Variants in MPPED2 observed in about 807,000 individuals in gnomAD.
MPPED2 encodes the protein metallophosphoesterase MPPED2.
In MPPED2, 5 loss-of-function variants were observed where a neutral mutation model predicts 33.0. That is an observed-to-expected ratio of 0.15 (90% CI 0.08 to 0.32). MPPED2 has a LOEUF of 0.32. Ranked by LOEUF, MPPED2 falls within the 10% of genes least tolerant of loss-of-function variation. The pLI is 1.00. For synonymous variants in MPPED2, 136 were observed against 141.9 expected, an observed-to-expected ratio of 0.96 and a Z score of 0.29; for missense variants, 275 against 372.1, an observed-to-expected ratio of 0.74 and a Z score of 2.15.
At chr11:30,504,918 T>C in intron 3 of MPPED2, 1 of 695,970 alleles carries the variant, frequency 1.4e-6, no homozygotes, top group South Asian at 1.4e-5. Context: ...GGATGCGGAG[T>C]GAAAGCCCGG....
At chr11:30,505,495 C>G (rs116302624) in intron 3 of MPPED2, among the ~76,000 whole-genome samples, 305 of 152,258 alleles carry the variant, frequency 2.0e-3, no homozygotes, top group African/African-American at 6.7e-3. Context: ...CCAGTATTGC[C>G]ATCTGGCTGG....
chr11:30,505,562 A>G (rs1952786363), intron 3 of MPPED2, among the ~76,000 whole-genome samples: 1 of 152,238 alleles, frequency 6.6e-6, no homozygotes, highest in African/African-American at 2.4e-5. Context: ...ACTTTCCTTT[A>G]CAAATGAGGG....
intron 1 of MPPED2, among the ~76,000 whole-genome samples, chr11:30,583,074 G>A (rs989170609): frequency 4.1e-5 from 6 of 144,902 alleles, no homozygotes; most frequent in African/African-American, 1.3e-4. Flanking sequence ...ATCCCCACCC[G>A]TATCTCAAAA....
intron 2 of MPPED2, among the ~76,000 whole-genome samples, chr11:30,545,968 T>C (rs1458095710): frequency 2.0e-5 from 3 of 152,170 alleles, no homozygotes; most frequent in Non-Finnish European, 2.9e-5. Context: ...CAAGCTATTC[T>C]CTTGCCTCAG....
At chr11:30,472,958 A>G (rs1951012552) in intron 4 of MPPED2, among the ~76,000 whole-genome samples, 1 of 152,262 alleles carries the variant, frequency 6.6e-6, no homozygotes, top group African/African-American at 2.4e-5. Flanking sequence ...AGTGCATATT[A>G]TGTACAATGG....
chr11:30,585,713 G>C (rs1445165448), intron 1 of MPPED2, among the ~76,000 whole-genome samples: 1 of 152,180 alleles, frequency 6.6e-6, no homozygotes, highest in African/African-American at 2.4e-5. Context: ...GATGGCTGGA[G>C]GGGGTGGAGA....
intron 3 of MPPED2, among the ~76,000 whole-genome samples, chr11:30,500,643 C>T (rs753635315): frequency 1.3e-5 from 2 of 152,166 alleles, no homozygotes; most frequent in Non-Finnish European, 2.9e-5. Context: ...CTCTAAAGCA[C>T]ATGCATGGTG....
intron 2 of MPPED2, among the ~76,000 whole-genome samples, chr11:30,567,258 G>A (rs371432375): frequency 1.4e-4 from 21 of 152,108 alleles, no homozygotes; most frequent in African/African-American, 4.6e-4. Flanking sequence ...CCTCACTGTA[G>A]TCTTGTTCCT....
chr11:30,564,954 A>G (rs1956381914), intron 2 of MPPED2, among the ~76,000 whole-genome samples: 1 of 152,160 alleles, frequency 6.6e-6, no homozygotes, highest in East Asian at 1.9e-4. Flanking sequence ...TCCTCTCTGA[A>G]CTGACTCCAA....
chr11:30,481,857 C>T (rs758344653), intron 4 of MPPED2, among the ~76,000 whole-genome samples: 1 of 152,118 alleles, frequency 6.6e-6, no homozygotes, highest in Admixed American at 6.5e-5. Flanking sequence ...AAATGCAGGG[C>T]TCTGGTGCTT....
At chr11:30,529,669 A>G (rs1437371400) in intron 3 of MPPED2, among the ~76,000 whole-genome samples, 1 of 152,226 alleles carries the variant, frequency 6.6e-6, no homozygotes, top group Non-Finnish European at 1.5e-5. Context: ...TGTATAACAT[A>G]TATTATAAGA....
rs1948431197 is a variant in MPPED2 at position 30,417,618 on chromosome 11, A to G, written c.552T>C (p.Asn184=). 1 of 1,611,964 alleles carries G rather than the reference A, an allele frequency of 6.2e-7. No individual in the cohort carries two copies. The highest frequency in any genetic ancestry group is 8.5e-7 in the Non-Finnish European group (1 of 1,178,328). The change falls in exon 5 of 7, where the codon AAT becomes AAC. Residue 184 remains asparagine, a synonymous_variant. Transcript: ENST00000358117. The part of the protein sequence containing the change: ...IYGAPWTPWF[N]GWGFNLPRGQ... Reference sequence around the variant, plus strand: ...CTCTGGGTAGGTTAAAGCCCCATCCATTAAACCACGGGGTCCTTTGGGGGA... The same window carrying G: ...CTCTGGGTAGGTTAAAGCCCCATCCGTTAAACCACGGGGTCCTTTGGGGGA...
rs140950710 is a variant in MPPED2 at position 30,411,206 on chromosome 11, C to G, written c.*262G>C. On this transcript the variant is annotated 3_prime_UTR_variant, in exon 7 of 7. Transcript: ENST00000358117. ...AAAAGAAAGCTTGGCTGTCCTTTGG[C>G]GAACACTAACAATTTACAATGGCAT... The G allele has an allele frequency of 9.1e-7, 1 of 1,095,728 alleles. No individual in the cohort carries two copies. Among genetic ancestry groups the G allele is most frequent in the Non-Finnish European group, 1.1e-6 (1 of 900,486 alleles). 67.9% of individuals were successfully genotyped at this position (1,095,728 alleles called of 1,614,324 possible).
intron 3 of MPPED2, among the ~76,000 whole-genome samples, chr11:30,525,810 G>A (rs1352257803): frequency 6.6e-6 from 1 of 152,162 alleles, no homozygotes; most frequent in Non-Finnish European, 1.5e-5. Context: ...GAGGAAAGAT[G>A]TCATATAAAT....
chr11:30,440,406 C>A (rs1351921646), intron 4 of MPPED2, among the ~76,000 whole-genome samples: 4 of 152,062 alleles, frequency 2.6e-5, no homozygotes, highest in Non-Finnish European at 5.9e-5. Context: ...GCTTCCACAC[C>A]GCAATGGCAG....
intron 3 of MPPED2, among the ~76,000 whole-genome samples, chr11:30,498,385 G>A (rs1447768858): frequency 1.3e-5 from 2 of 152,016 alleles, no homozygotes; most frequent in East Asian, 3.8e-4. Context: ...AGGAGTTTGA[G>A]ACCAGCCTGG....
chr11:30,408,876 G>A (rs146847826), downstream of MPPED2, among the ~76,000 whole-genome samples: 37 of 152,312 alleles, frequency 2.4e-4, 1 homozygote, highest in African/African-American at 8.9e-4. Flanking sequence ...ATTTGTAAGA[G>A]CTGTTTTGAA....
intron 4 of MPPED2, among the ~76,000 whole-genome samples, chr11:30,489,533 C>T (rs1191149979): frequency 6.6e-6 from 1 of 152,220 alleles, no homozygotes; most frequent in Non-Finnish European, 1.5e-5. Context: ...TTTGAAAATG[C>T]AACTCAACAG....
rs370273875 is a variant in MPPED2, at chr11:30,440,301, G to C, written c.537-22668C>G. ...GCCGAGGTCGCGCCACTGCACTCCAGCCTGGGTGACAGCGTGAGACTCCGT... is the reference window on the plus strand; with the variant it reads ...GCCGAGGTCGCGCCACTGCACTCCACCCTGGGTGACAGCGTGAGACTCCGT... On this transcript the variant is annotated intron_variant, in intron 4 of 6. Transcript: ENST00000358117. Among the ~76,000 whole-genome samples, 1,034 of 151,324 alleles carry C rather than the reference G, an allele frequency of 6.8e-3. 3 individuals carry two copies. The highest frequency in any genetic ancestry group is 9.3e-3 in the Non-Finnish European group (631 of 67,902).
Sources: gnomAD v4.1 joint callset for allele counts (sites outside exome capture counted in the v4.1 genomes callset) on GRCh38, gnomAD v4.1.1 for gene constraint, MANE v1.5 for transcripts, NCBI Gene and HGNC (gene_info 2026-07-23, HGNC 2026-07-21) for gene names.